Variants in ZDHHC17 observed in about 807,000 individuals in gnomAD.
The protein encoded by ZDHHC17 is zDHHC palmitoyltransferase 17.
ZDHHC17 carries 40 observed loss-of-function variants against 90.3 expected under a neutral mutation model. The ratio of observed to expected loss-of-function variants is 0.44; its 90% CI spans 0.34 to 0.58. The LOEUF (loss-of-function observed/expected upper bound fraction) is 0.58, where lower values mean the gene tolerates loss of function less well. Ranked by LOEUF, ZDHHC17 falls within the 20% of genes least tolerant of loss-of-function variation. ZDHHC17 has a pLI of 0.01. For synonymous variants in ZDHHC17, 235 were observed against 252.4 expected (o/e 0.93, Z 0.65); for missense variants, 614 against 780.8 (o/e 0.79, Z 2.55).
chr12:76,814,067 A>T (rs1243289994), intron 5 of ZDHHC17, among the ~76,000 whole-genome samples: 1 of 152,008 alleles, frequency 6.6e-6, no homozygotes, highest in Non-Finnish European at 1.5e-5. Context: ...TTTATTTTCA[A>T]AGTACTCCAG....
chr12:76,792,609 G>A (rs147939253), intron 1 of ZDHHC17, among the ~76,000 whole-genome samples: 242 of 151,956 alleles, frequency 1.6e-3, no homozygotes, highest in African/African-American at 5.6e-3. Flanking sequence ...AGCAGATTTT[G>A]GAGGTAATTT....
intron 10 of ZDHHC17, among the ~76,000 whole-genome samples, chr12:76,838,582 G>T (rs1408122510): frequency 6.6e-6 from 1 of 152,150 alleles, no homozygotes; most frequent in African/African-American, 2.4e-5. Flanking sequence ...CTTGGGTTTA[G>T]CTGTCTTAAG....
At chr12:76,783,718 A>G (rs552991800) in intron 1 of ZDHHC17, among the ~76,000 whole-genome samples, 3 of 152,358 alleles carry the variant, frequency 2.0e-5, no homozygotes, top group African/African-American at 4.8e-5. Context: ...TATAAATGTT[A>G]CCTTATCAGG....
intron 5 of ZDHHC17, 29 bp from the exon 6 acceptor site, chr12:76,815,113 ACTGT>A (rs781601717): frequency 2.4e-5 from 36 of 1,496,724 alleles, no homozygotes; most frequent in Non-Finnish European, 3.2e-5. Flanking sequence ...TTATAATTTA[ACTGT>A]CTGACTTTTT....
intron 1 of ZDHHC17, among the ~76,000 whole-genome samples, chr12:76,775,532 G>C (rs1034174350): frequency 6.6e-6 from 1 of 152,112 alleles, no homozygotes; most frequent in African/African-American, 2.4e-5. Flanking sequence ...AAGTAAGTCT[G>C]TAAAAGATTT....
At chr12:76,768,448 A>G (rs1456915532) in intron 1 of ZDHHC17, among the ~76,000 whole-genome samples, 2 of 152,220 alleles carry the variant, frequency 1.3e-5, no homozygotes, top group Non-Finnish European at 2.9e-5. Flanking sequence ...GGTACGTAGC[A>G]TTGTGTTAGG....
intron 2 of ZDHHC17, among the ~76,000 whole-genome samples, chr12:76,802,593 C>T (rs923541577): frequency 1.3e-5 from 2 of 152,178 alleles, no homozygotes; most frequent in Non-Finnish European, 2.9e-5. Context: ...CCACAGGTCC[C>T]TTAGACTGTC....
At chr12:76,829,455 C>CAAAAAAAAAAAAAA (rs58051393) in intron 10 of ZDHHC17, among the ~76,000 whole-genome samples, 3 of 71,922 alleles carry the variant, frequency 4.2e-5, no homozygotes, top group African/African-American at 1.9e-4. Flanking sequence ...GACTATGTCT[C>CAAAAAAAAAAAAAA]AAAAAAAAAA....
chr12:76,827,549 G>A (rs1299061409), intron 9 of ZDHHC17, among the ~76,000 whole-genome samples: 5 of 152,078 alleles, frequency 3.3e-5, no homozygotes, highest in South Asian at 4.2e-4. Context: ...TGATCATTCC[G>A]TTTTCTTCTT....
Position 76,822,489 on chromosome 12 carries a change from A to T in ZDHHC17, c.855A>T (p.Gly285=), listed in dbSNP as rs1953175781. ...TACAAGAGGCAAGGCAAGCAAAAGG[A>T]TATGACAATCCGTCCTTCCTTAGAA... ...NHLQEARQAK[G]YDNPSFLRKL... is the part of the protein sequence containing the mutation. Residue 285 remains glycine (G), a synonymous_variant, in exon 8 of 17, where the codon GGA becomes GGT. Transcript: ENST00000426126. 2 of 1,612,574 alleles carry T rather than the reference A, an allele frequency of 1.2e-6. No individual in the cohort carries two copies. The highest frequency in any genetic ancestry group is 2.7e-5 in the African/African-American group (2 of 74,980).
chr12:76,826,762 C>A, intron 8 of ZDHHC17, 146 bp from the exon 9 acceptor site: 1 of 696,872 alleles, frequency 1.4e-6, no homozygotes, highest in African/African-American at 1.9e-5. Context: ...CAGACACCAG[C>A]ACCTTGAATA....
rs561017158 is a variant in ZDHHC17 at position 76,851,090 on chromosome 12, A to G, written c.*105A>G. The G allele has an allele frequency of 3.5e-6, 5 of 1,414,508 alleles. No homozygotes were observed. Among genetic ancestry groups the G allele is most frequent in the Non-Finnish European group, 4.9e-6 (5 of 1,029,628 alleles). 87.6% of individuals were successfully genotyped at this position (1,414,508 alleles called of 1,614,324 possible). A position where few individuals can be genotyped will look rare whatever the true frequency, so the allele number is the denominator to read the frequency against. ...CACATCCTTTGAACAAGAGCATGCT[A>G]TGTGTAGGGCTAATGGTGAATTTTA... On this transcript the variant is annotated 3_prime_UTR_variant, in exon 17 of 17. Coordinates refer to ENST00000426126, the MANE Select transcript of ZDHHC17 (RefSeq NM_015336.4).
intron 16 of ZDHHC17, 98 bp downstream of exon 16, chr12:76,849,568 A>G: frequency 1.4e-6 from 1 of 703,562 alleles, no homozygotes; most frequent in East Asian, 3.2e-5. Flanking sequence ...TAGCTTTTAA[A>G]CCTTTTTAAG....
intron 5 of ZDHHC17, among the ~76,000 whole-genome samples, chr12:76,814,105 G>T (rs1953056349): frequency 6.6e-6 from 1 of 152,014 alleles, no homozygotes; most frequent in South Asian, 2.1e-4. Flanking sequence ...TTCAGGCATA[G>T]AGGATAATCA....
At chr12:76,844,781 T>C (rs976113450) in intron 12 of ZDHHC17, 4 of 152,172 alleles carry the variant, frequency 2.6e-5, no homozygotes, top group African/African-American at 9.6e-5. Context: ...TGCAAACTAA[T>C]GGAGAAATGG....
intron 10 of ZDHHC17, among the ~76,000 whole-genome samples, chr12:76,838,785 C>T (rs1344825211): frequency 6.6e-6 from 1 of 152,140 alleles, no homozygotes. Flanking sequence ...AAGGGATTTT[C>T]TTGACTTGTT....
chr12:76,796,892 T>A (rs1229928627), intron 1 of ZDHHC17, among the ~76,000 whole-genome samples: 2 of 152,222 alleles, frequency 1.3e-5, no homozygotes, highest in African/African-American at 2.4e-5. Flanking sequence ...AGTTGTTACT[T>A]GTTTCTAATC....
At chr12:76,804,418 A>G (rs1952930099) in intron 2 of ZDHHC17, among the ~76,000 whole-genome samples, 1 of 152,252 alleles carries the variant, frequency 6.6e-6, no homozygotes, top group African/African-American at 2.4e-5. Context: ...TGAAAATGAA[A>G]CTAAAAGAAG....
chr12:76,833,414 C>A (rs1953327746), intron 10 of ZDHHC17, among the ~76,000 whole-genome samples: 1 of 152,148 alleles, frequency 6.6e-6, no homozygotes, highest in Admixed American at 6.5e-5. Flanking sequence ...CTTCAAATGT[C>A]CTTATATTAT....
Sources: allele counts gnomAD v4.1 joint callset (sites outside exome capture counted in the v4.1 genomes callset), GRCh38; gene constraint gnomAD v4.1.1; transcripts MANE v1.5; gene names NCBI Gene and HGNC (gene_info 2026-07-23, HGNC 2026-07-21).